Variants in ZNF385B observed in about 807,000 individuals in gnomAD.
ZNF385B encodes the protein zinc finger protein 533.
In ZNF385B, 23 loss-of-function variants were observed where a neutral mutation model predicts 39.2. The observed-to-expected ratio is 0.59, with a 90% CI of 0.42 to 0.83. ZNF385B has a LOEUF of 0.83. Among genes scored for constraint, ZNF385B ranks in the 40% least tolerant of loss-of-function variants. ZNF385B has a pLI of 0.00. For missense variants in ZNF385B, 552 were observed against 598.9 expected (o/e 0.92, Z 0.82); for synonymous variants, 205 against 222.6 (o/e 0.92, Z 0.70).
chr2:179,463,912 C>G (rs1559269967), intron 6 of ZNF385B, among the ~76,000 whole-genome samples: 1 of 152,132 alleles, frequency 6.6e-6, no homozygotes, highest in Non-Finnish European at 1.5e-5. Context: ...GTTCCAGATC[C>G]TTGAGGAATT....
At chr2:179,794,289 T>C (rs1383299047) in intron 1 of ZNF385B, among the ~76,000 whole-genome samples, 1 of 152,216 alleles carries the variant, frequency 6.6e-6, no homozygotes, top group East Asian at 1.9e-4. Context: ...AAATTTATGA[T>C]AGATAATATT....
intron 1 of ZNF385B, among the ~76,000 whole-genome samples, chr2:179,844,748 T>A (rs576433201): frequency 6.6e-6 from 1 of 152,302 alleles, no homozygotes; most frequent in East Asian, 1.9e-4. Flanking sequence ...ATGTACAGGA[T>A]GTTTAATTGT....
rs770219234 is a variant in ZNF385B at position 179,524,551 on chromosome 2, C to CAAAA, written c.442-5917_442-5914dup. Reference sequence around the variant, plus strand: ...TGGGTGACAGAGCGAGACTCCGTCTCAAAAAAAAAAAAAAAAAAAAAAAAA... The same window carrying CAAAA: ...TGGGTGACAGAGCGAGACTCCGTCTCAAAAAAAAAAAAAAAAAAAAAAAAAAAAA... On this transcript the variant is annotated intron_variant, in intron 4 of 9. Coordinates refer to ENST00000410066, the MANE Select transcript of ZNF385B (RefSeq NM_152520.6). Among the ~76,000 whole-genome samples the CAAAA allele has an allele frequency of 9.8e-5, 6 of 60,990 alleles. 1 individual carries two copies. Among genetic ancestry groups the CAAAA allele is most frequent in the African/African-American group, 4.7e-4 (6 of 12,896 alleles). 40.0% of individuals were successfully genotyped at this position (60,990 alleles called of 152,430 possible).
chr2:179,475,496 C>T (rs994724367), intron 6 of ZNF385B, among the ~76,000 whole-genome samples: 6 of 151,650 alleles, frequency 4.0e-5, no homozygotes, highest in Non-Finnish European at 7.4e-5. Context: ...GTGATCCATC[C>T]GCCTCAGCCT....
At chr2:179,739,576 G>C (rs1701969360) in intron 3 of ZNF385B, among the ~76,000 whole-genome samples, 1 of 152,190 alleles carries the variant, frequency 6.6e-6, no homozygotes, top group Non-Finnish European at 1.5e-5. Flanking sequence ...TTCAGTTGAA[G>C]CTTTTTACAG....
chr2:179,843,442 C>T (rs1179538992), intron 1 of ZNF385B, among the ~76,000 whole-genome samples: 2 of 152,112 alleles, frequency 1.3e-5, no homozygotes, highest in Non-Finnish European at 2.9e-5. Context: ...TTTTTTAAGT[C>T]CAATCAAGAC....
chr2:179,764,281 T>C (rs1411584344), intron 3 of ZNF385B, among the ~76,000 whole-genome samples: 1 of 152,188 alleles, frequency 6.6e-6, no homozygotes, highest in Non-Finnish European at 1.5e-5. Context: ...GCCTTTATTT[T>C]TTAAATTACT....
In ZNF385B at chr2:179,810,783, G is replaced by A. The variant is rs551168461; in HGVS notation, c.-154-40111C>T. Among the ~76,000 whole-genome samples the A allele has an allele frequency of 6.3e-4, 95 of 151,948 alleles. 1 individual carries two copies. Among genetic ancestry groups the A allele is most frequent in the South Asian group, 1.9e-3 (9 of 4,812 alleles). ...GGAATAGAGGCTTTTAACATGCCTC[G>A]GCCTTTTGGAAATAACAAGATAGTG... is the stretch of plus-strand genomic sequence containing the variant. On this transcript the variant is annotated intron_variant, in intron 1 of 9. Coordinates refer to ENST00000410066, the MANE Select transcript of ZNF385B (RefSeq NM_152520.6).
chr2:179,572,207 T>C (rs188992786), intron 3 of ZNF385B, among the ~76,000 whole-genome samples: 1 of 152,262 alleles, frequency 6.6e-6, no homozygotes, highest in East Asian at 1.9e-4. Context: ...CCTTCTCAGA[T>C]ATTTATGAAT....
chr2:179,606,358 C>T (rs558065861), intron 3 of ZNF385B, among the ~76,000 whole-genome samples: 2 of 152,192 alleles, frequency 1.3e-5, no homozygotes, highest in Admixed American at 1.3e-4. Context: ...GGACAGTAGA[C>T]TGCCTGTGTT....
intron 6 of ZNF385B, among the ~76,000 whole-genome samples, chr2:179,462,657 T>C (rs1350309273): frequency 6.6e-6 from 1 of 151,910 alleles, no homozygotes; most frequent in Non-Finnish European, 1.5e-5. Context: ...AAATAAAATG[T>C]TGTAAGAGAT....
At chr2:179,489,669 T>A (rs576175061) in intron 5 of ZNF385B, among the ~76,000 whole-genome samples, 136 of 152,338 alleles carry the variant, frequency 8.9e-4, no homozygotes, top group Middle Eastern at 3.4e-3. Flanking sequence ...ATTCATAAGA[T>A]CACACACTCT....
chr2:179,768,973 G>T (rs559052043), intron 3 of ZNF385B, among the ~76,000 whole-genome samples: 3 of 152,330 alleles, frequency 2.0e-5, no homozygotes, highest in African/African-American at 7.2e-5. Flanking sequence ...GGCAATGCCT[G>T]TTCCTATTGT....
intron 3 of ZNF385B, among the ~76,000 whole-genome samples, chr2:179,658,542 T>A (rs966622448): frequency 6.6e-6 from 1 of 152,158 alleles, no homozygotes; most frequent in African/African-American, 2.4e-5. Context: ...GGTCTCCTAT[T>A]TCCTAGACTA....
intron 3 of ZNF385B, among the ~76,000 whole-genome samples, chr2:179,752,579 C>T (rs1702746687): frequency 6.6e-6 from 1 of 152,202 alleles, no homozygotes; most frequent in African/African-American, 2.4e-5. Flanking sequence ...TGTTTCTCCA[C>T]ATCCTCTCCA....
At chr2:179,487,558 G>C (rs530568491) in intron 5 of ZNF385B, among the ~76,000 whole-genome samples, 1 of 152,302 alleles carries the variant, frequency 6.6e-6, no homozygotes, top group Non-Finnish European at 1.5e-5. Context: ...ATTGAGGAGT[G>C]AAAGAAACAA....
Position 179,555,453 on chromosome 2 carries a change from C to G in ZNF385B, c.299-10484G>C, listed in dbSNP as rs548480937. Among the ~76,000 whole-genome samples the G allele has an allele frequency of 6.7e-5, 10 of 149,326 alleles. 1 individual carries two copies. The South Asian group carries it at 2.2e-3, about 32-fold the overall frequency. On this transcript the variant is annotated intron_variant, in intron 3 of 9. Coordinates refer to ENST00000410066, the MANE Select transcript of ZNF385B (RefSeq NM_152520.6). Reference sequence around the variant, plus strand: ...TATGCTATATTTGTGTACATTCATTCAACTGCACACTTATGTGCACTTTTC... The same window carrying G: ...TATGCTATATTTGTGTACATTCATTGAACTGCACACTTATGTGCACTTTTC...
intron 1 of ZNF385B, among the ~76,000 whole-genome samples, chr2:179,822,766 T>C (rs1233380416): frequency 6.6e-6 from 1 of 152,192 alleles, no homozygotes; most frequent in African/African-American, 2.4e-5. Flanking sequence ...AATACCTTTT[T>C]CCATTCTAAA....
At chr2:179,489,625 T>C (rs1222139456) in intron 5 of ZNF385B, among the ~76,000 whole-genome samples, 1 of 152,246 alleles carries the variant, frequency 6.6e-6, no homozygotes, top group Non-Finnish European at 1.5e-5. Context: ...AAACTGTTTT[T>C]ACTATTACAA....
Sources: allele counts gnomAD v4.1 joint callset (sites outside exome capture counted in the v4.1 genomes callset), GRCh38; gene constraint gnomAD v4.1.1; transcripts MANE v1.5; gene names NCBI Gene and HGNC (gene_info 2026-07-23, HGNC 2026-07-21).